The following ANKRD11 variants were observed in gnomAD, a reference collection of about 807,000 sequenced individuals.
The protein encoded by ANKRD11 is ankyrin repeat domain-containing protein 11.
A neutral mutation model predicts 195.7 loss-of-function variants in ANKRD11; 17 were observed. The observed-to-expected ratio is 0.09, with a 90% confidence interval of 0.06 to 0.13. The LOEUF (loss-of-function observed/expected upper bound fraction) is 0.13. Among genes scored for constraint, ANKRD11 ranks in the 10% least tolerant of loss-of-function variants. The pLI, the probability that ANKRD11 is intolerant of heterozygous loss-of-function variation, is 1.00. For synonymous variants in ANKRD11, 1,953 were observed against 1,528.1 expected (o/e 1.28, Z -6.49); for missense variants, 3,735 against 3,566.1 (o/e 1.05, Z -1.21).
At chr16:89,388,437 G>A (rs1015502871) in intron 2 of ANKRD11, among the ~76,000 whole-genome samples, 5 of 151,636 alleles carry the variant, frequency 3.3e-5, no homozygotes, top group Non-Finnish European at 7.4e-5. Context: ...GCCTCCATGA[G>A]GTTGATTTTT....
intron 2 of ANKRD11, among the ~76,000 whole-genome samples, chr16:89,384,597 G>C (rs920884711): frequency 7.2e-5 from 11 of 152,162 alleles, no homozygotes; most frequent in Non-Finnish European, 1.6e-4. Flanking sequence ...GGGCAGGACA[G>C]AGCAGGGCAG....
chr16:89,439,335 A>G (rs535205677), intron 1 of ANKRD11, among the ~76,000 whole-genome samples: 1 of 152,368 alleles, frequency 6.6e-6, no homozygotes, highest in South Asian at 2.1e-4. Flanking sequence ...CACTAAATTA[A>G]TGATTTTACT....
rs372688828 is a variant in ANKRD11 at position 89,285,110 on chromosome 16, A to G, written c.1432T>C (p.Ser478Pro). The G allele has an allele frequency of 1.1e-5, 18 of 1,613,548 alleles. No homozygotes were observed. The highest frequency in any genetic ancestry group is 1.4e-5 in the Non-Finnish European group (17 of 1,180,022). Residue 478 changes from serine to proline, a missense_variant, in exon 9 of 13, where the codon TCC (serine) becomes CCC (proline). Coordinates refer to ENST00000301030, the MANE Select transcript of ANKRD11 (RefSeq NM_013275.6). This position sits in a 1 kb window ranked among gnomAD's most constrained non-coding sequence, Gnocchi z 5.6. Reference sequence around the variant, plus strand: ...GAGGACTCGCTCTCCGACTCCGAGGAGCAGAACTTGTCGCTCCGCTTTCCG... The same window carrying G: ...GAGGACTCGCTCTCCGACTCCGAGGGGCAGAACTTGTCGCTCCGCTTTCCG... Reference protein sequence around the residue: ...RFGKRSDKFCSSESESESSES... With the variant: ...RFGKRSDKFCPSESESESSES...
intron 11 of ANKRD11, chr16:89,271,458 C>T: frequency 4.7e-6 from 1 of 212,420 alleles, no homozygotes; most frequent in Non-Finnish European, 9.7e-6. Context: ...CTAGATATGT[C>T]ACCGTCCTGT....
rs761500826 is a variant in ANKRD11, at chr16:89,282,531, G to A, written c.4011C>T (p.Ser1337=). The A allele has an allele frequency of 6.8e-6, 11 of 1,614,020 alleles. No individual in the cohort carries two copies. The highest frequency in any genetic ancestry group is 4.4e-5 in the South Asian group (4 of 91,068). The stretch of plus-strand genomic sequence containing the variant: ...CTTTCAGCTTCTCAGGGAGGCAGGC[G>A]CTCTCCCTCGGCTTGTCGTCTCCAG... ...EPPGDDKPRE[S]ACLPEKLKEK... is the part of the protein sequence containing the mutation. Residue 1337 remains serine (S), a synonymous_variant, in exon 9 of 13, where the codon AGC becomes AGT. Transcript: ENST00000301030.
rs1442216449 is a variant in ANKRD11, at chr16:89,291,680, CCTTT to C, written c.227-501_227-498del. On this transcript the variant is annotated intron_variant, in intron 4 of 12. Coordinates refer to ENST00000301030, the MANE Select transcript of ANKRD11 (RefSeq NM_013275.6). The surrounding 1 kb of genome is among the most constrained non-coding windows in gnomAD (Gnocchi z 5.3). ...TCAAGGCCAACTGGTCAGTACTGTA[CCTTT>C]CTTCTTGCTTCTAGGAACCTCCATC... 7.8e-7 allele frequency: 1 copy of C among 1,290,246 alleles called. No individual in the cohort carries two copies. The highest frequency in any genetic ancestry group is 2.3e-5 in the Admixed American group (1 of 43,572). 79.9% of individuals were successfully genotyped at this position (1,290,246 alleles called of 1,614,324 possible).
chr16:89,410,694 A>C (rs1478090442), intron 2 of ANKRD11, among the ~76,000 whole-genome samples: 1 of 152,266 alleles, frequency 6.6e-6, no homozygotes, highest in African/African-American at 2.4e-5. Flanking sequence ...TCATCCATTT[A>C]GCAAAACGTC....
chr16:89,462,305 A>G (rs1414054299), intron 1 of ANKRD11, among the ~76,000 whole-genome samples: 1 of 152,156 alleles, frequency 6.6e-6, no homozygotes, highest in East Asian at 1.9e-4. Context: ...CCCTAACCGC[A>G]AGTGATCCGC....
At chr16:89,434,884 C>A (rs143516521) in intron 1 of ANKRD11, among the ~76,000 whole-genome samples, 1 of 152,306 alleles carries the variant, frequency 6.6e-6, no homozygotes, top group Non-Finnish European at 1.5e-5. Context: ...GAGACTGCAC[C>A]AAGGCACAAG....
At chr16:89,415,851 C>CAAAAAAAAAAAAAAAAAAAAAAAAAA (rs1567774240) in intron 2 of ANKRD11, among the ~76,000 whole-genome samples, 1 of 77,116 alleles carries the variant, frequency 1.3e-5, no homozygotes, top group Non-Finnish European at 2.5e-5. Flanking sequence ...AAAAAAAAAA[C>CAAAAAAAAAAAAAAAAAAAAAAAAAA]AATGGAGAAC....
intron 2 of ANKRD11, among the ~76,000 whole-genome samples, chr16:89,394,770 A>G (rs1311631977): frequency 6.6e-6 from 1 of 152,220 alleles, no homozygotes; most frequent in East Asian, 1.9e-4. Context: ...CTGTAAAATT[A>G]CACACAGCCA....
chr16:89,305,877 C>T (rs1353589203), intron 3 of ANKRD11, among the ~76,000 whole-genome samples: 1 of 58,716 alleles, frequency 1.7e-5, no homozygotes, highest in South Asian at 6.8e-4. Context: ...ACGCACCACC[C>T]ACCTCCCACT....
At chr16:89,367,523 G>C (rs1015986101) in intron 2 of ANKRD11, among the ~76,000 whole-genome samples, 14 of 152,174 alleles carry the variant, frequency 9.2e-5, no homozygotes, top group Non-Finnish European at 1.6e-4. Flanking sequence ...CTCCCTCTTA[G>C]GCCACGGCAC....
intron 1 of ANKRD11, among the ~76,000 whole-genome samples, chr16:89,488,315 G>C (rs2057688959): frequency 6.6e-6 from 1 of 152,026 alleles, no homozygotes; most frequent in Admixed American, 6.6e-5. Flanking sequence ...TATCGAAGGA[G>C]ATCCTGCTCT....
chr16:89,330,060 C>G (rs1361581344), intron 2 of ANKRD11, among the ~76,000 whole-genome samples: 1 of 151,060 alleles, frequency 6.6e-6, no homozygotes, highest in Non-Finnish European at 1.5e-5. Context: ...TTTATGTATT[C>G]ACATTAAATA....
rs753900347 is a variant in ANKRD11 at position 89,280,057 on chromosome 16, G to C, written c.6485C>G (p.Pro2162Arg). Residue 2162 changes from proline (P) to arginine (R), a missense_variant, in exon 9 of 13, where the codon CCT becomes CGT. Pro to Arg is a moderately radical substitution (Grantham distance 103, BLOSUM62 -2). Transcript: ENST00000301030. ...EAEPVEESLA[P>R]PEEMPPGAPG... ...GGCCCCTGGAGGCATCTCTTCTGGA[G>C]GAGCAAGACTTTCTTCCACGGGTTC... 6.2e-7 allele frequency: 1 copy of C among 1,612,882 alleles called. No individual in the cohort carries two copies. Among genetic ancestry groups the C allele is most frequent in the Admixed American group, 1.7e-5 (1 of 60,012 alleles).
At chr16:89,288,731 G>A (rs2034825902) in intron 6 of ANKRD11, 61 bp from the exon 7 acceptor site, 2 of 1,612,304 alleles carry the variant, frequency 1.2e-6, no homozygotes, top group African/African-American at 2.7e-5. Flanking sequence ...CCTGTCTCTG[G>A]AGGCAGCGCC....
chr16:89,428,661 C>T (rs772801095), intron 1 of ANKRD11, among the ~76,000 whole-genome samples: 44 of 151,726 alleles, frequency 2.9e-4, no homozygotes, highest in South Asian at 1.0e-3. Flanking sequence ...TTTGGGAGGC[C>T]GAAGTGGATG....
At chr16:89,435,812 A>T (rs2043192179) in intron 1 of ANKRD11, among the ~76,000 whole-genome samples, 1 of 151,110 alleles carries the variant, frequency 6.6e-6, no homozygotes, top group African/African-American at 2.4e-5. Context: ...ACACACACAC[A>T]CACACACACA....
Sources: allele counts gnomAD v4.1 joint callset (sites outside exome capture counted in the v4.1 genomes callset), GRCh38; gene constraint gnomAD v4.1.1; non-coding constraint Gnocchi (gnomAD v3.1); transcripts MANE v1.5; gene names NCBI Gene and HGNC (gene_info 2026-07-23, HGNC 2026-07-21).